ATXN8OS: variants seen among roughly 807,000 people sequenced by gnomAD.
The protein encoded by ATXN8OS is ATXN8 opposite strand (non-protein coding).
chr13:70,169,721 T>C (rs1309742399), intron 4 of ATXN8OS, among the ~76,000 whole-genome samples: 2 of 152,150 alleles, frequency 1.3e-5, no homozygotes, highest in Non-Finnish European at 2.9e-5. Flanking sequence ...CATACTCCTG[T>C]GGCTCTCACT....
intron 4 of ATXN8OS, among the ~76,000 whole-genome samples, chr13:70,148,553 T>C (rs1300138254): frequency 1.3e-5 from 2 of 152,100 alleles, no homozygotes; most frequent in East Asian, 3.9e-4. Flanking sequence ...ATGGGTCCAC[T>C]CAATAAGATG....
chr13:70,128,399 C>A (rs983742439), intron 2 of ATXN8OS, among the ~76,000 whole-genome samples: 1 of 152,080 alleles, frequency 6.6e-6, no homozygotes, highest in Non-Finnish European at 1.5e-5. Context: ...AATTCATTTT[C>A]TTTCTTCACT....
chr13:70,117,906 T>C (rs924586297), intron 2 of ATXN8OS, among the ~76,000 whole-genome samples: 2 of 152,130 alleles, frequency 1.3e-5, no homozygotes, highest in Non-Finnish European at 2.9e-5. Context: ...GCTTTGCAAC[T>C]TTCAAAGGCA....
At chr13:70,153,044 G>GTA (rs1410875015) in intron 4 of ATXN8OS, among the ~76,000 whole-genome samples, 6 of 151,624 alleles carry the variant, frequency 4.0e-5, no homozygotes, top group African/African-American at 1.5e-4. Flanking sequence ...GTGTGTGTGT[G>GTA]TGTGTGTGTG....
intron 3 of ATXN8OS, among the ~76,000 whole-genome samples, chr13:70,141,326 G>T (rs765641665): frequency 8.5e-5 from 13 of 152,078 alleles, no homozygotes; most frequent in Non-Finnish European, 1.8e-4. Context: ...CTTACATATT[G>T]CACAGTGTTC....
exon 5 of ATXN8OS, among the ~76,000 whole-genome samples, chr13:70,170,172 T>C (rs1287872577): frequency 6.6e-6 from 1 of 152,118 alleles, no homozygotes; most frequent in Non-Finnish European, 1.5e-5. Flanking sequence ...AACAGAATAT[T>C]TTGTTTTTCC....
rs1037708142 is a variant in ATXN8OS at position 70,164,740 on chromosome 13, A to G, written n.574-5013A>G. ...TGGCAAGACATTATAATGAAACACC[A>G]GTTTCCTTTGTTCAAGTTGCCTGGA... On this transcript the variant is annotated intron_variant and non_coding_transcript_variant, in intron 4 of 4. Transcript: ENST00000678624. 3.3e-5 allele frequency among the ~76,000 whole-genome samples: 5 copies of G among 152,142 alleles called. No individual in the cohort carries two copies. In the East Asian group the frequency reaches 9.7e-4, roughly 29 times the overall value.
intron 2 of ATXN8OS, among the ~76,000 whole-genome samples, chr13:70,122,175 A>G (rs996287622): frequency 6.6e-6 from 1 of 152,016 alleles, no homozygotes; most frequent in African/African-American, 2.4e-5. Flanking sequence ...TTGCCAATAT[A>G]GGAGTGCAAC....
In ATXN8OS at chr13:70,124,090, T is replaced by G. The variant is rs180940186; in HGVS notation, n.399-5694T>G. Among the ~76,000 whole-genome samples, 4 of 152,296 alleles carry G rather than the reference T, an allele frequency of 2.6e-5. No individual in the cohort carries two copies. In the East Asian group the frequency reaches 7.7e-4, roughly 29 times the overall value. ...TTTCACATGCCATTTTTCTTTATAT[T>G]ATTTCCTTAGCATTTAAAGAAAGTA... On this transcript the variant is annotated intron_variant and non_coding_transcript_variant, in intron 2 of 4. Coordinates refer to ENST00000678624, the Ensembl canonical transcript of ATXN8OS.
intron 3 of ATXN8OS, among the ~76,000 whole-genome samples, chr13:70,134,134 G>C (rs1030591387): frequency 1.3e-5 from 2 of 152,080 alleles, no homozygotes; most frequent in Non-Finnish European, 2.9e-5. Context: ...TTACTAACAA[G>C]AGCTTACATA....
At chr13:70,171,250 T>G (rs987040897) in exon 5 of ATXN8OS, among the ~76,000 whole-genome samples, 1 of 152,150 alleles carries the variant, frequency 6.6e-6, no homozygotes, top group African/African-American at 2.4e-5. Flanking sequence ...GGAAGCCAGA[T>G]GGGCACAAGA....
chr13:70,148,269 G>A (rs1489304100), intron 4 of ATXN8OS, among the ~76,000 whole-genome samples: 1 of 152,114 alleles, frequency 6.6e-6, no homozygotes, highest in Non-Finnish European at 1.5e-5. Flanking sequence ...GCTTTGCAGG[G>A]CCATTTCAAA....
At chr13:70,138,312 C>G (rs552207466) in intron 3 of ATXN8OS, among the ~76,000 whole-genome samples, 2 of 63,078 alleles carry the variant, frequency 3.2e-5, no homozygotes, top group South Asian at 1.8e-3. Flanking sequence ...AAGATGAGAC[C>G]AGATTTAAAT....
chr13:70,164,414 A>C (rs963378468), intron 4 of ATXN8OS, among the ~76,000 whole-genome samples: 2 of 151,800 alleles, frequency 1.3e-5, no homozygotes, highest in African/African-American at 4.8e-5. Context: ...ATGAAAATAA[A>C]AATTTTGTAT....
At chr13:70,157,747 C>T (rs1217555128) in intron 4 of ATXN8OS, among the ~76,000 whole-genome samples, 2 of 152,068 alleles carry the variant, frequency 1.3e-5, no homozygotes, top group African/African-American at 2.4e-5. Context: ...AAAATTCCAC[C>T]TGACAGCAGA....
At chr13:70,123,451 T>C (rs1355911361) in intron 2 of ATXN8OS, among the ~76,000 whole-genome samples, 1 of 152,146 alleles carries the variant, frequency 6.6e-6, no homozygotes, top group Non-Finnish European at 1.5e-5. Context: ...AGGTATTACC[T>C]ATTTTTAGTG....
At position 70,157,954 on chromosome 13, in the gene ATXN8OS, A is replaced by T. The variant is rs146707571; in HGVS notation, n.573+10526A>T. Among the ~76,000 whole-genome samples the T allele has an allele frequency of 2.6e-4, 40 of 152,314 alleles. No homozygotes were observed. In the East Asian group the frequency reaches 7.3e-3, roughly 28 times the overall value. The stretch of plus-strand genomic sequence containing the variant: ...TACATGCAGGAAATAAGCTTGCAAA[A>T]AATCATTTGAGCCATGAGAATCCCA... On this transcript the variant is annotated intron_variant and non_coding_transcript_variant, in intron 4 of 4. Coordinates refer to ENST00000678624, the Ensembl canonical transcript of ATXN8OS.
At chr13:70,112,920 A>ATATATTTTTTTTTTTTTTT (rs1555298511) in intron 1 of ATXN8OS, among the ~76,000 whole-genome samples, 1 of 87,590 alleles carries the variant, frequency 1.1e-5, no homozygotes, top group Non-Finnish European at 2.2e-5. Flanking sequence ...TATATATATA[A>ATATATTTTTTTTTTTTTTT]TTTTTTTTTT....
In ATXN8OS at chr13:70,146,636, C is replaced by T. The variant is rs1888789952; in HGVS notation, n.500-719C>T. On this transcript the variant is annotated intron_variant and non_coding_transcript_variant, in intron 3 of 4. Transcript: ENST00000678624. ...GTAGGGACATGGATGAAACTGGAAACCATCATTCTCAGCAAACTATCACAA... is the reference window on the plus strand; with the variant it reads ...GTAGGGACATGGATGAAACTGGAAATCATCATTCTCAGCAAACTATCACAA... Among the ~76,000 whole-genome samples the T allele has an allele frequency of 2.6e-5, 4 of 151,758 alleles. No homozygotes were observed. In the South Asian group the frequency reaches 8.3e-4, roughly 32 times the overall value.
Sources: gnomAD v4.1 joint callset for allele counts (sites outside exome capture counted in the v4.1 genomes callset) on GRCh38, gnomAD v4.1.1 for gene constraint, MANE v1.5 for transcripts, NCBI Gene and HGNC (gene_info 2026-07-23, HGNC 2026-07-21) for gene names.